The following CSMD2 variants were observed in gnomAD, a reference collection of about 807,000 sequenced individuals.
CSMD2 encodes the protein CUB and Sushi multiple domains 2.
A neutral mutation model predicts 398.5 loss-of-function variants in CSMD2; 130 were observed. That is an observed-to-expected ratio of 0.33 (90% CI 0.28 to 0.38). The LOEUF is 0.38. CSMD2 is among the 10% of genes least tolerant of loss of function. CSMD2 has a pLI of 1.00. For synonymous variants in CSMD2, 1,828 were observed against 1,908.5 expected (o/e 0.96, Z 1.10); for missense variants, 3,829 against 4,764.9 (o/e 0.80, Z 5.78).
rs1031789643 is a variant in CSMD2 at position 34,164,498 on chromosome 1, C to A, written c.187+413G>T. Among the ~76,000 whole-genome samples the A allele has an allele frequency of 6.6e-6, 1 of 152,102 alleles. No homozygotes were observed. The highest frequency in any genetic ancestry group is 1.5e-5 in the Non-Finnish European group (1 of 68,016). On this transcript the variant is annotated intron_variant, in intron 1 of 70. Coordinates refer to ENST00000373381, the MANE Select transcript of CSMD2 (RefSeq NM_001281956.2). This position sits in a 1 kb window ranked among gnomAD's most constrained non-coding sequence, Gnocchi z 6.2. ...ACGGTTCCTCTCCAGCCCCCAGGAC[C>A]AGCGTGCCTGGCAGAATCAGGAGCC...
At chr1:34,081,608 C>T (rs912954750) in intron 2 of CSMD2, among the ~76,000 whole-genome samples, 5 of 152,114 alleles carry the variant, frequency 3.3e-5, no homozygotes, top group Admixed American at 6.5e-5. Flanking sequence ...TTGGTGGAGA[C>T]GGGGTTTCGC....
chr1:34,128,127 G>T (rs1015900432), intron 1 of CSMD2, among the ~76,000 whole-genome samples: 1 of 125,520 alleles, frequency 8.0e-6, no homozygotes, highest in African/African-American at 2.7e-5. Context: ...AAGACCAGGG[G>T]TGTCCTTCCT....
At chr1:34,142,583 C>A (rs1273257423) in intron 1 of CSMD2, among the ~76,000 whole-genome samples, 1 of 152,102 alleles carries the variant, frequency 6.6e-6, no homozygotes, top group Non-Finnish European at 1.5e-5. Context: ...AGAGAATGGC[C>A]CCCTCTCTCC....
intron 3 of CSMD2, among the ~76,000 whole-genome samples, chr1:34,000,868 G>T (rs1186986601): frequency 1.3e-5 from 2 of 151,942 alleles, no homozygotes; most frequent in Non-Finnish European, 2.9e-5. Context: ...TGAAAGATGA[G>T]CTGGGAAAGA....
chr1:33,788,211 G>A (rs1460720913), intron 12 of CSMD2, among the ~76,000 whole-genome samples: 1 of 152,052 alleles, frequency 6.6e-6, no homozygotes, highest in Non-Finnish European at 1.5e-5. Flanking sequence ...GTGCAGGGGA[G>A]AACCAGGATC....
At chr1:33,678,256 T>G (rs1644785974) in intron 25 of CSMD2, among the ~76,000 whole-genome samples, 1 of 151,176 alleles carries the variant, frequency 6.6e-6, no homozygotes, top group South Asian at 2.1e-4. Flanking sequence ...GCTGGCACCA[T>G]GCTTCTTGTA....
intron 5 of CSMD2, among the ~76,000 whole-genome samples, chr1:33,880,489 T>C (rs964468708): frequency 2.0e-5 from 3 of 152,238 alleles, no homozygotes; most frequent in Admixed American, 1.3e-4. Flanking sequence ...TTTGAGCTAA[T>C]GTGTAGTCGG....
intron 15 of CSMD2, among the ~76,000 whole-genome samples, chr1:33,730,935 T>C (rs1646697237): frequency 6.6e-6 from 1 of 152,212 alleles, no homozygotes; most frequent in Admixed American, 6.5e-5. Flanking sequence ...GTACCCCTAG[T>C]GCCCAAATTT....
At chr1:34,143,827 C>T (rs1450058412) in intron 1 of CSMD2, among the ~76,000 whole-genome samples, 2 of 152,098 alleles carry the variant, frequency 1.3e-5, no homozygotes, top group Non-Finnish European at 2.9e-5. Context: ...CCCTTGTCTG[C>T]AAAGCAAATG....
chr1:33,528,481 C>A (rs1654976815), intron 64 of CSMD2, among the ~76,000 whole-genome samples: 3 of 152,354 alleles, frequency 2.0e-5, no homozygotes, highest in African/African-American at 7.2e-5. Context: ...ACACAGAATG[C>A]TGTGGAGAAA....
At chr1:33,643,298 T>C (rs544241769) in intron 29 of CSMD2, among the ~76,000 whole-genome samples, 1 of 152,336 alleles carries the variant, frequency 6.6e-6, no homozygotes, top group South Asian at 2.1e-4. Context: ...ATCACAAATA[T>C]TCATGTTATA....
chr1:33,655,925 C>T (rs548917709), intron 27 of CSMD2, among the ~76,000 whole-genome samples: 4 of 152,216 alleles, frequency 2.6e-5, no homozygotes, highest in Admixed American at 6.5e-5. Context: ...TAGCACAATC[C>T]TCCTTCTCCA....
At chr1:34,157,426 T>C (rs1464769511) in intron 1 of CSMD2, among the ~76,000 whole-genome samples, 2 of 152,030 alleles carry the variant, frequency 1.3e-5, no homozygotes, top group East Asian at 3.9e-4. Flanking sequence ...AGTCTCTTGT[T>C]CCAACTCAAC....
chr1:33,600,830 T>C (rs755898226), intron 44 of CSMD2, 35 bp downstream of exon 44: 12 of 1,611,788 alleles, frequency 7.4e-6, no homozygotes, highest in Non-Finnish European at 1.0e-5. Flanking sequence ...CTTGAAAGCC[T>C]GGCCCTTCCC....
At chr1:33,820,115 G>A (rs10914784) in intron 8 of CSMD2, among the ~76,000 whole-genome samples, 84,081 of 152,020 alleles carry the variant, frequency 0.55, 23,235 homozygotes, top group East Asian at 0.67. Flanking sequence ...GCAGCTAAGC[G>A]TGGGTGGATG....
Position 33,716,514 on chromosome 1 carries a change from C to A in CSMD2, c.3002-13G>T. On this transcript the variant is annotated splice_polypyrimidine_tract_variant and intron_variant, in intron 19 of 70. Transcript: ENST00000373381. ...GTGAAGAACACACCTGCCAAGAGAC[C>A]AGAGGGTCAGGTTGTTGATGGCGAG... The A allele has an allele frequency of 6.2e-7, 1 of 1,603,146 alleles. No homozygotes were observed. The highest frequency in any genetic ancestry group is 1.1e-5 in the South Asian group (1 of 89,910).
chr1:34,037,305 C>T (rs982999028), intron 2 of CSMD2, among the ~76,000 whole-genome samples: 1 of 152,118 alleles, frequency 6.6e-6, no homozygotes, highest in Non-Finnish European at 1.5e-5. Flanking sequence ...ACCCTCCCCG[C>T]CCCCACCGGC....
At chr1:33,521,400 G>A (rs1413407142) in intron 68 of CSMD2, 63 bp downstream of exon 68, 27 of 1,122,794 alleles carry the variant, frequency 2.4e-5, no homozygotes, top group South Asian at 1.4e-4. Flanking sequence ...ACCTGACCAC[G>A]GCACACACGG....
intron 3 of CSMD2, among the ~76,000 whole-genome samples, chr1:33,943,925 TACACACACACAC>T (rs57400434): frequency 8.3e-5 from 12 of 144,372 alleles, no homozygotes; most frequent in Non-Finnish European, 1.1e-4. Context: ...TAATCAGAAT[TACACACACACAC>T]ACACACACAC....
Sources: gnomAD v4.1 joint callset for allele counts (sites outside exome capture counted in the v4.1 genomes callset) on GRCh38, gnomAD v4.1.1 for gene constraint, Gnocchi (gnomAD v3.1) non-coding constraint, MANE v1.5 for transcripts, NCBI Gene and HGNC (gene_info 2026-07-23, HGNC 2026-07-21) for gene names.